The following ELAVL1 variants were observed in gnomAD, a reference collection of about 807,000 sequenced individuals.
ELAVL1 encodes the protein ELAV-like protein 1.
A neutral mutation model predicts 28.4 loss-of-function variants in ELAVL1; 1 was observed. That is an observed-to-expected ratio of 0.04 (90% CI 0.01 to 0.17). ELAVL1 has a LOEUF of 0.17. Among genes scored for constraint, ELAVL1 ranks in the 10% least tolerant of loss-of-function variants. The pLI, the probability that ELAVL1 is intolerant of heterozygous loss-of-function variation, is 1.00. For synonymous variants in ELAVL1, 174 were observed against 183.5 expected (o/e 0.95, Z 0.42); for missense variants, 157 against 447.2 (o/e 0.35, Z 5.85).
intron 1 of ELAVL1, among the ~76,000 whole-genome samples, chr19:7,999,911 A>G (rs900760559): frequency 6.6e-5 from 10 of 152,032 alleles, no homozygotes; most frequent in Admixed American, 5.2e-4. Flanking sequence ...CGAGTAGCTG[A>G]GATTACAGGC....
chr19:7,972,088 A>G (rs1985129401), intron 4 of ELAVL1, among the ~76,000 whole-genome samples: 1 of 152,208 alleles, frequency 6.6e-6, no homozygotes, highest in African/African-American at 2.4e-5. Context: ...CGGCACACAC[A>G]GTCTGTGTGG....
intron 1 of ELAVL1, among the ~76,000 whole-genome samples, chr19:7,998,439 G>A (rs1416700491): frequency 6.6e-6 from 1 of 152,188 alleles, no homozygotes; most frequent in African/African-American, 2.4e-5. Context: ...ATAAGTGGCA[G>A]GGCCAGGCCT....
rs1984774626 is a variant in ELAVL1 at position 7,960,429 on chromosome 19, G to A, written c.*3054C>T. 1 of 152,232 alleles carries A rather than the reference G, an allele frequency of 6.6e-6. No individual in the cohort carries two copies. Among genetic ancestry groups the A allele is most frequent in the Non-Finnish European group, 1.5e-5 (1 of 68,034 alleles). 9.4% of individuals were successfully genotyped at this position (152,232 alleles called of 1,614,324 possible). A position where few individuals can be genotyped will look rare whatever the true frequency, so the allele number is the denominator to read the frequency against. On this transcript the variant is annotated 3_prime_UTR_variant, in exon 6 of 6. Transcript: ENST00000407627. ...GGATATTCACGCAGGATGGTGGCCG[G>A]GGAGGGGACTCAGCACCCGGGAGGG...
intron 1 of ELAVL1, among the ~76,000 whole-genome samples, chr19:8,002,544 C>G (rs945878356): frequency 6.6e-6 from 1 of 152,234 alleles, no homozygotes; most frequent in Non-Finnish European, 1.5e-5. Context: ...TCGGCCGCAC[C>G]GCCTCGCTAC....
Position 7,989,551 on chromosome 19 carries a change from A to G in ELAVL1, c.172+2093T>C, listed in dbSNP as rs3786620. ...GACAAAGAAGTCAGGTTGCAGGAGA[A>G]TAACTGCAAATTCCATGGGAATGCT... On this transcript the variant is annotated intron_variant, in intron 2 of 5. Coordinates refer to ENST00000407627, the MANE Select transcript of ELAVL1 (RefSeq NM_001419.3). Among the ~76,000 whole-genome samples, 79 of 152,380 alleles carry G rather than the reference A, an allele frequency of 5.2e-4. No homozygotes were observed. The East Asian group carries it at 7.7e-3, about 15-fold the overall frequency.
intron 1 of ELAVL1, among the ~76,000 whole-genome samples, chr19:8,000,210 C>A (rs758682252): frequency 9.2e-5 from 14 of 152,182 alleles, no homozygotes; most frequent in Non-Finnish European, 1.5e-4. Flanking sequence ...TGAGAGTCAC[C>A]GTCGGTGCCT....
At chr19:7,966,564 T>G (rs1267946086) in intron 5 of ELAVL1, among the ~76,000 whole-genome samples, 2 of 152,180 alleles carry the variant, frequency 1.3e-5, no homozygotes, top group East Asian at 3.8e-4. Context: ...GAAGATCTAC[T>G]CTCACCCGAG....
chr19:7,999,895 G>C (rs2145230001), intron 1 of ELAVL1, among the ~76,000 whole-genome samples: 1 of 152,296 alleles, frequency 6.6e-6, no homozygotes, highest in East Asian at 1.9e-4. Flanking sequence ...TCCGGCTTCA[G>C]CCTCCCGAGT....
chr19:7,986,895 G>C (rs1985616328), intron 2 of ELAVL1, among the ~76,000 whole-genome samples: 1 of 152,114 alleles, frequency 6.6e-6, no homozygotes, highest in Non-Finnish European at 1.5e-5. Flanking sequence ...CATTTGGAGG[G>C]ACATGTGCCC....
chr19:7,991,932 CT>C (rs398033838), intron 1 of ELAVL1, 101 bp from the exon 2 acceptor site: 48,425 of 638,272 alleles, frequency 0.076, no homozygotes, highest in South Asian at 0.13. Flanking sequence ...TTCTTTCTTT[CT>C]TTTTTTTTTT....
intron 1 of ELAVL1, among the ~76,000 whole-genome samples, chr19:8,003,947 G>A (rs1231368104): frequency 6.6e-6 from 1 of 152,190 alleles, no homozygotes; most frequent in African/African-American, 2.4e-5. Flanking sequence ...TATAGGAGCA[G>A]TACAATCGAG....
At chr19:8,000,696 C>G (rs770390181) in intron 1 of ELAVL1, among the ~76,000 whole-genome samples, 3 of 152,258 alleles carry the variant, frequency 2.0e-5, no homozygotes, top group Admixed American at 6.5e-5. Flanking sequence ...AAATGCCATG[C>G]AAGGCAAGGT....
chr19:7,999,201 T>C (rs761263823), intron 1 of ELAVL1, among the ~76,000 whole-genome samples: 2 of 152,164 alleles, frequency 1.3e-5, no homozygotes, highest in Non-Finnish European at 2.9e-5. Context: ...AGTGAAACCC[T>C]GTCTATACTG....
intron 2 of ELAVL1, among the ~76,000 whole-genome samples, chr19:7,988,609 A>G (rs1985667417): frequency 6.6e-6 from 1 of 152,178 alleles, no homozygotes; most frequent in South Asian, 2.1e-4. Context: ...CACACACAGC[A>G]GTGGCTCTCG....
At chr19:7,964,781 G>C (rs975341502) in intron 5 of ELAVL1, among the ~76,000 whole-genome samples, 10 of 152,208 alleles carry the variant, frequency 6.6e-5, no homozygotes, top group African/African-American at 2.4e-4. Context: ...TGACAAAACA[G>C]TTCCTAAAGC....
At chr19:7,965,470 C>G (rs1257422453) in intron 5 of ELAVL1, among the ~76,000 whole-genome samples, 2 of 152,142 alleles carry the variant, frequency 1.3e-5, no homozygotes, top group Non-Finnish European at 2.9e-5. Flanking sequence ...CAACCCAATT[C>G]TTTTCCATCC....
In ELAVL1 at chr19:7,981,149, G is replaced by A. The variant is rs779387165; in HGVS notation, c.210C>T (p.Thr70=). ...SLGYGFVNYV[T]AKDAERAINT... is the part of the protein sequence containing the mutation. Reference sequence around the variant, plus strand: ...TGATCGCTCTCTCTGCATCCTTCGCGGTCACGTAGTTCACAAAGCCATAGC... The same window carrying A: ...TGATCGCTCTCTCTGCATCCTTCGCAGTCACGTAGTTCACAAAGCCATAGC... The change falls in exon 3 of 6, where the codon ACC becomes ACT. Residue 70 remains threonine, a synonymous_variant. Coordinates refer to ENST00000407627, the MANE Select transcript of ELAVL1 (RefSeq NM_001419.3). The surrounding 1 kb of genome is among the most constrained non-coding windows in gnomAD (Gnocchi z 4.2). 40 of 1,613,976 alleles carry A rather than the reference G, an allele frequency of 2.5e-5. No individual in the cohort carries two copies. The highest frequency in any genetic ancestry group is 1.4e-4 in the South Asian group (13 of 91,086).
Position 7,964,941 on chromosome 19 carries a change from G to A in ELAVL1, c.657-1134C>T, listed in dbSNP as rs369365190. Among the ~76,000 whole-genome samples the A allele has an allele frequency of 7.9e-5, 12 of 152,308 alleles. No homozygotes were observed. The East Asian group carries it at 2.3e-3, about 29-fold the overall frequency. ...GCATTACCTGCTCCAAAATAAAACT[G>A]GGCTTCAGGCTATGGCCCTATCAGC... On this transcript the variant is annotated intron_variant, in intron 5 of 5. Coordinates refer to ENST00000407627, the MANE Select transcript of ELAVL1 (RefSeq NM_001419.3).
chr19:7,973,296 C>A (rs1985173671), intron 4 of ELAVL1: 1 of 256,888 alleles, frequency 3.9e-6, no homozygotes, highest in Non-Finnish European at 7.3e-6. Context: ...AGTGGCAAGA[C>A]CTCGGCTCAC....
Sources: gnomAD v4.1 joint callset for allele counts (sites outside exome capture counted in the v4.1 genomes callset) on GRCh38, gnomAD v4.1.1 for gene constraint, Gnocchi (gnomAD v3.1) non-coding constraint, MANE v1.5 for transcripts, NCBI Gene and HGNC (gene_info 2026-07-23, HGNC 2026-07-21) for gene names.